Variants in TENT5A observed in about 807,000 individuals in gnomAD.
TENT5A encodes the protein terminal nucleotidyltransferase 5A.
TENT5A carries 9 observed loss-of-function variants against 30.2 expected under a neutral mutation model. The observed-to-expected ratio is 0.30, with a 90% CI of 0.18 to 0.52. The LOEUF is 0.52. Among genes scored for constraint, TENT5A ranks in the 20% least tolerant of loss-of-function variants. TENT5A has a pLI of 0.97. For synonymous variants in TENT5A, 264 were observed against 234.2 expected, an observed-to-expected ratio of 1.13 and a Z score of -1.16; for missense variants, 411 against 566.1, an observed-to-expected ratio of 0.73 and a Z score of 2.78.
At position 81,749,345 on chromosome 6, in the gene TENT5A, C is replaced by A; in HGVS notation, c.*350G>T. 1 of 1,031,208 alleles carries A rather than the reference C, an allele frequency of 9.7e-7. No individual in the cohort carries two copies. Among genetic ancestry groups the A allele is most frequent in the Non-Finnish European group, 1.2e-6 (1 of 861,056 alleles). The allele number at this position is 1,031,208 out of a possible 1,614,324, so 63.9% of individuals were successfully genotyped here. ...AAGAAACTTTCCACTTTTTTTTTTC[C>A]TATGGCAAAGCTATGGGAGCAGATA... On this transcript the variant is annotated 3_prime_UTR_variant, in exon 3 of 3. Coordinates refer to ENST00000320172, the MANE Select transcript of TENT5A (RefSeq NM_017633.3).
In TENT5A at chr6:81,749,123, T is replaced by G. The variant is rs1370767689; in HGVS notation, c.*572A>C. 3.0e-6 allele frequency: 3 copies of G among 985,810 alleles called. No homozygotes were observed. In the African/African-American group the frequency reaches 5.2e-5, roughly 17 times the overall value. 61.1% of individuals were successfully genotyped at this position (985,810 alleles called of 1,614,324 possible). Reference sequence around the variant, plus strand: ...CTGCACCAACCTACTACTGTTCATTTGGAGCAAGCCGTTTGTTAGCAAAAC... The same window carrying G: ...CTGCACCAACCTACTACTGTTCATTGGGAGCAAGCCGTTTGTTAGCAAAAC... On this transcript the variant is annotated 3_prime_UTR_variant, in exon 3 of 3. Coordinates refer to ENST00000320172, the MANE Select transcript of TENT5A (RefSeq NM_017633.3).
Position 81,745,766 on chromosome 6 carries a change from A to T in TENT5A, c.*3929T>A. On this transcript the variant is annotated 3_prime_UTR_variant, in exon 3 of 3. Coordinates refer to ENST00000320172, the MANE Select transcript of TENT5A (RefSeq NM_017633.3). ...AAATAACTTTTTTATTTACAAAAAAATCCAAATATTGGATGCTGTAAACAA... is the reference window on the plus strand; with the variant it reads ...AAATAACTTTTTTATTTACAAAAAATTCCAAATATTGGATGCTGTAAACAA... 3.0e-6 allele frequency: 3 copies of T among 985,368 alleles called. No homozygotes were observed. In the South Asian group the frequency reaches 1.4e-4, roughly 46 times the overall value. The allele number at this position is 985,368 out of a possible 1,614,324, so 61.0% of individuals were successfully genotyped here.
chr6:81,748,272 G>A lies in TENT5A; in HGVS notation c.*1423C>T, dbSNP rs1673075270. 1.0e-6 allele frequency: 1 copy of A among 983,088 alleles called. No homozygotes were observed. Among genetic ancestry groups the A allele is most frequent in the African/African-American group, 1.8e-5 (1 of 56,826 alleles). 60.9% of individuals were successfully genotyped at this position (983,088 alleles called of 1,614,324 possible). On this transcript the variant is annotated 3_prime_UTR_variant, in exon 3 of 3. Coordinates refer to ENST00000320172, the MANE Select transcript of TENT5A (RefSeq NM_017633.3). ...ACTAGATTAAACATCATAGAGGAAT[G>A]CAATTTTTTTTTTAATAAATGGGTT... is the stretch of plus-strand genomic sequence containing the variant.
Position 81,749,914 on chromosome 6 carries a change from C to T in TENT5A, c.1110G>A (p.Met370Ile). The T allele has an allele frequency of 6.2e-7, 1 of 1,614,080 alleles. No individual in the cohort carries two copies. The highest frequency in any genetic ancestry group is 1.1e-5 in the South Asian group (1 of 91,080). ...GVVNESTVCL[M>I]GHERRQTLNL... is the part of the protein sequence containing the mutation. ...TTAAAGTCTGTCTTCTTTCATGTCC[C>T]ATCAGGCACACTGTGCTCTCATTTA... Residue 370 changes from methionine (M) to isoleucine (I), a missense_variant, in exon 3 of 3, where the codon ATG (methionine) becomes ATA (isoleucine). By Grantham distance (10) the Met-to-Ile change is conservative. Transcript: ENST00000320172.
chr6:81,751,907 T>C lies in TENT5A; in HGVS notation c.235A>G (p.Ser79Gly). ...CGCCCGTGAATCGGAATGGTCTCGC[T>C]CAGGATGCCGTCCAGCCGCTGCACT... Reference protein sequence around the residue: ...EQVQRLDGILSETIPIHGRGN... With the variant: ...EQVQRLDGILGETIPIHGRGN... Residue 79 changes from serine (S) to glycine (G), a missense_variant, in exon 2 of 3, where the codon AGC becomes GGC. Coordinates refer to ENST00000320172, the MANE Select transcript of TENT5A (RefSeq NM_017633.3). 1 of 1,613,170 alleles carries C rather than the reference T, an allele frequency of 6.2e-7. No homozygotes were observed. The highest frequency in any genetic ancestry group is 8.5e-7 in the Non-Finnish European group (1 of 1,179,916).
rs553952728 is a variant in TENT5A, at chr6:81,749,833, A to G, written c.1191T>C (p.Asn397=). The change falls in exon 3 of 3, where the codon AAT becomes AAC. Residue 397 remains asparagine (N), a synonymous_variant. Transcript: ENST00000320172. ...RVLADQNVIP[N]VANVTCYYQP... is the part of the protein sequence containing the mutation. ...GGTAATAGCAAGTGACATTAGCCAC[A>G]TTAGGAATGACATTTTGGTCAGCTA... 1.2e-6 allele frequency: 2 copies of G among 1,614,164 alleles called. No individual in the cohort carries two copies. Among genetic ancestry groups the G allele is most frequent in the East Asian group, 4.5e-5 (2 of 44,876 alleles).
Position 81,751,682 on chromosome 6 carries a change from A to G in TENT5A, c.460T>C (p.Phe154Leu). ...AGCACGACGTCCTTCACAGTCTGAA[A>G]CTCCCCTTCCCCGCGCAGGTCGGCG... is the stretch of plus-strand genomic sequence containing the variant. ...FCADLRGEGE[F>L]QTVKDVVLDC... The change falls in exon 2 of 3, where the codon TTT becomes CTT. Residue 154 changes from phenylalanine to leucine, a missense_variant. Phe to Leu is a conservative substitution (Grantham distance 22, BLOSUM62 0). Around this residue, in one of 5 missense-constraint regions of TENT5A, gnomAD observed 157 missense variants for 183.2 expected, o/e 0.86. Coordinates refer to ENST00000320172, the MANE Select transcript of TENT5A (RefSeq NM_017633.3). The G allele has an allele frequency of 6.2e-7, 1 of 1,612,944 alleles. No homozygotes were observed. Among genetic ancestry groups the G allele is most frequent in the Non-Finnish European group, 8.5e-7 (1 of 1,179,826 alleles).
Position 81,752,121 on chromosome 6 carries a change from G to A in TENT5A, c.21C>T (p.Tyr7=). ...CCAGCTCGTCCTCAGACATGGCGAA[G>A]TACCCTTCACCCTCCGCCATGTAGT... The part of the protein sequence containing the change: MAEGEG[Y]FAMSEDELAC... Residue 7 remains tyrosine, a synonymous_variant, in exon 2 of 3, where the codon TAC becomes TAT. Transcript: ENST00000320172. 6.4e-7 allele frequency: 1 copy of A among 1,568,984 alleles called. No individual in the cohort carries two copies. Among genetic ancestry groups the A allele is most frequent in the Admixed American group, 1.9e-5 (1 of 53,954 alleles).
At position 81,749,959 on chromosome 6, in the gene TENT5A, G is replaced by A. The variant is rs772629416; in HGVS notation, c.1065C>T (p.Leu355=). 131 of 1,614,052 alleles carry A rather than the reference G, an allele frequency of 8.1e-5. 2 individuals carry two copies. The South Asian group carries it at 9.2e-4, about 11-fold the overall frequency. ...CATTTACCACTCCATGAAGGGTCAT[G>A]AGATACTCATACTTGCGGTCTTCCA... ...VGLEDRKYEY[L]MTLHGVVNES... Residue 355 remains leucine (L), a synonymous_variant, in exon 3 of 3, where the codon CTC becomes CTT. Coordinates refer to ENST00000320172, the MANE Select transcript of TENT5A (RefSeq NM_017633.3).
rs903880538 is a variant in TENT5A at position 81,752,084 on chromosome 6, A to T, written c.58T>A (p.Tyr20Asn). ...CCGAAGTCGCCGCCTAGGGGGATGTAGGGGCTGCAGGCCAGCTCGTCCTCA... is the reference window on the plus strand; with the variant it reads ...CCGAAGTCGCCGCCTAGGGGGATGTTGGGGCTGCAGGCCAGCTCGTCCTCA... ...MSEDELACSP[Y>N]IPLGGDFGGG... is the part of the protein sequence containing the mutation. Residue 20 changes from tyrosine to asparagine, a missense_variant, in exon 2 of 3, where the codon TAC becomes AAC. Transcript: ENST00000320172. 1.5e-6 allele frequency: 2 copies of T among 1,324,632 alleles called. No individual in the cohort carries two copies. Among genetic ancestry groups the T allele is most frequent in the Non-Finnish European group, 1.9e-6 (2 of 1,030,234 alleles). 82.1% of individuals were successfully genotyped at this position (1,324,632 alleles called of 1,614,324 possible). A position where few individuals can be genotyped will look rare whatever the true frequency, so the allele number is the denominator to read the frequency against.
In TENT5A at chr6:81,752,006, C is replaced by T. The variant is rs140052179; in HGVS notation, c.136G>A (p.Gly46Ser). The T allele has an allele frequency of 1.1e-4, 184 of 1,608,198 alleles. No individual in the cohort carries two copies. In the African/African-American group the frequency reaches 2.2e-3, roughly 19 times the overall value. Residue 46 changes from glycine to serine, a missense_variant, in exon 2 of 3, where the codon GGC (glycine) becomes AGC (serine). This residue lies in a region of TENT5A where 157 missense variants were observed against 183.2 expected (regional missense o/e 0.86). Transcript: ENST00000320172. ...DFGGGDFGGG[G>S]SFGGHCLDYC... ...TCCAAGCAATGCCCACCGAAGCTGC[C>T]GCCACCGCCGAAGTCGCCGCCGCCG...
In TENT5A at chr6:81,748,539, G is replaced by A; in HGVS notation, c.*1156C>T. ...TGCCCACGTCTCATGTTATCCTGTT[G>A]AAAACATAAAAACACACAGTATTTA... On this transcript the variant is annotated 3_prime_UTR_variant, in exon 3 of 3. Transcript: ENST00000320172. 1.0e-6 allele frequency: 1 copy of A among 982,174 alleles called. No homozygotes were observed. The highest frequency in any genetic ancestry group is 1.2e-6 in the Non-Finnish European group (1 of 827,542). 60.8% of individuals were successfully genotyped at this position (982,174 alleles called of 1,614,324 possible).
rs984204256 is a variant in TENT5A, at chr6:81,751,705, G to A, written c.437C>T (p.Ala146Val). 5 of 1,614,126 alleles carry A rather than the reference G, an allele frequency of 3.1e-6. No homozygotes were observed. Among genetic ancestry groups the A allele is most frequent in the Non-Finnish European group, 4.2e-6 (5 of 1,180,044 alleles). The part of the protein sequence containing the change: ...GYKDLDLIFC[A>V]DLRGEGEFQT... ...AAACTCCCCTTCCCCGCGCAGGTCG[G>A]CGCAGAAGATGAGGTCCAGGTCCTT... The change falls in exon 2 of 3, where the codon GCC (alanine) becomes GTC (valine). Residue 146 changes from alanine to valine, a missense_variant. By Grantham distance (64) the Ala-to-Val change is moderately conservative. Transcript: ENST00000320172.
chr6:81,748,090 G>C lies in TENT5A; in HGVS notation c.*1605C>G. 1 of 983,952 alleles carries C rather than the reference G, an allele frequency of 1.0e-6. No individual in the cohort carries two copies. The highest frequency in any genetic ancestry group is 1.2e-6 in the Non-Finnish European group (1 of 828,708). 61.0% of individuals were successfully genotyped at this position (983,952 alleles called of 1,614,324 possible). A position where few individuals can be genotyped will look rare whatever the true frequency, so the allele number is the denominator to read the frequency against. ...TTTTAAGCAATTGTGCAAATATTCT[G>C]TAAAAAGGGTCATTTCACATTACTA... On this transcript the variant is annotated 3_prime_UTR_variant, in exon 3 of 3. Coordinates refer to ENST00000320172, the MANE Select transcript of TENT5A (RefSeq NM_017633.3).
In TENT5A at chr6:81,746,605, T is replaced by C; in HGVS notation, c.*3090A>G. ...ATTAAGTAAACCTTTAAAAACGGCA[T>C]TGTCACAGGCTATGTGTTCTCTGAC... On this transcript the variant is annotated 3_prime_UTR_variant, in exon 3 of 3. Coordinates refer to ENST00000320172, the MANE Select transcript of TENT5A (RefSeq NM_017633.3). 3.2e-6 allele frequency: 4 copies of C among 1,232,034 alleles called. No individual in the cohort carries two copies. Among genetic ancestry groups the C allele is most frequent in the African/African-American group, 1.5e-5 (1 of 64,534 alleles). 76.3% of individuals were successfully genotyped at this position (1,232,034 alleles called of 1,614,324 possible).
Position 81,752,096 on chromosome 6 carries a change from C to G in TENT5A, c.46G>C (p.Ala16Pro), listed in dbSNP as rs1769055950. The change falls in exon 2 of 3, where the codon GCC becomes CCC. Residue 16 changes from alanine (A) to proline (P), a missense_variant. This residue lies in a region of TENT5A where 34 missense variants were observed against 29.3 expected (regional missense o/e 1.16). Transcript: ENST00000320172. ...GYFAMSEDEL[A>P]CSPYIPLGGD... ...CCTAGGGGGATGTAGGGGCTGCAGGCCAGCTCGTCCTCAGACATGGCGAAG... is the reference window on the plus strand; with the variant it reads ...CCTAGGGGGATGTAGGGGCTGCAGGGCAGCTCGTCCTCAGACATGGCGAAG... 6.4e-7 allele frequency: 1 copy of G among 1,559,358 alleles called. No homozygotes were observed. Among genetic ancestry groups the G allele is most frequent in the Non-Finnish European group, 8.7e-7 (1 of 1,155,358 alleles).
At chr6:81,752,344 C>G in intron 1 of TENT5A, 87 bp downstream of exon 1, 1 of 1,549,228 alleles carries the variant, frequency 6.5e-7, no homozygotes, top group Non-Finnish European at 8.7e-7. Context: ...AGTCCCCAGC[C>G]GCGCACCGCG....
chr6:81,751,635 TA>T lies in TENT5A; in HGVS notation c.506del (p.Leu169TyrfsTer5). 6.2e-7 allele frequency: 1 copy of T among 1,613,804 alleles called. No individual in the cohort carries two copies. ...DVVLDCLLDF[L>X]PEGVNKEKIT... Reference sequence around the variant, plus strand: ...TCTTCTCTTTGTTCACCCCCTCGGGTAAGAAGTCCAACAGGCAGTCCAGCAC... The same window carrying T: ...TCTTCTCTTTGTTCACCCCCTCGGGTAGAAGTCCAACAGGCAGTCCAGCAC... On this transcript the variant is annotated frameshift_variant, in exon 2 of 3. Coordinates refer to ENST00000320172, the MANE Select transcript of TENT5A (RefSeq NM_017633.3). LOFTEE classifies it high-confidence loss of function.
chr6:81,747,205 C>T lies in TENT5A; in HGVS notation c.*2490G>A, dbSNP rs1374559669. The stretch of plus-strand genomic sequence containing the variant: ...GGGTAAGAAAGCAGATCACCAGCTG[C>T]TCCTGTGTTCACAAGTGCTCCCCTA... On this transcript the variant is annotated 3_prime_UTR_variant, in exon 3 of 3. Transcript: ENST00000320172. The T allele has an allele frequency of 1.0e-6, 1 of 985,434 alleles. No homozygotes were observed. Among genetic ancestry groups the T allele is most frequent in the Non-Finnish European group, 1.2e-6 (1 of 829,898 alleles). The allele number at this position is 985,434 out of a possible 1,614,324, so 61.0% of individuals were successfully genotyped here. A position where few individuals can be genotyped will look rare whatever the true frequency, so the allele number is the denominator to read the frequency against.
Sources: gnomAD v4.1 joint callset for allele counts on GRCh38, gnomAD v4.1.1 for gene constraint, gnomAD v4.1.1 regional missense constraint, MANE v1.5 for transcripts, NCBI Gene and HGNC (gene_info 2026-07-23, HGNC 2026-07-21) for gene names.